The following PCSK5 variants were observed in gnomAD, a reference collection of about 807,000 sequenced individuals.
PCSK5 encodes the protein prohormone convertase 5.
Under a neutral mutation model 233.2 loss-of-function variants are expected in PCSK5, and 129 were observed. The ratio of observed to expected loss-of-function variants is 0.55; its 90% CI spans 0.48 to 0.64. PCSK5 has a LOEUF of 0.64. Ranked by LOEUF, PCSK5 falls within the 30% of genes least tolerant of loss-of-function variation. The probability of loss-of-function intolerance (pLI) is 0.00; values close to 1 mark genes in which losing one functional copy is unlikely to be tolerated. For missense variants in PCSK5, 2,076 were observed against 2,430.1 expected (o/e 0.85, Z 3.06); for synonymous variants, 825 against 879.2 (o/e 0.94, Z 1.09).
intron 2 of PCSK5, among the ~76,000 whole-genome samples, chr9:75,963,244 G>GA (rs1399589519): frequency 1.3e-5 from 2 of 152,172 alleles, no homozygotes; most frequent in Non-Finnish European, 2.9e-5. Context: ...CCACTCTGGG[G>GA]AAAAATAACA....
chr9:76,279,258 C>A (rs1827790944), intron 24 of PCSK5, among the ~76,000 whole-genome samples: 1 of 150,648 alleles, frequency 6.6e-6, no homozygotes, highest in Non-Finnish European at 1.5e-5. Context: ...TTTTTTATGG[C>A]TGCATAGTAT....
chr9:75,961,760 T>C (rs184362236), intron 2 of PCSK5, among the ~76,000 whole-genome samples: 17 of 152,330 alleles, frequency 1.1e-4, no homozygotes, highest in Non-Finnish European at 2.9e-5. Flanking sequence ...TTAGTAATTT[T>C]TATATCGCCT....
chr9:76,211,190 T>C (rs1367508098), intron 20 of PCSK5, among the ~76,000 whole-genome samples: 1 of 152,192 alleles, frequency 6.6e-6, no homozygotes, highest in Non-Finnish European at 1.5e-5. Context: ...CAGAAGAAAT[T>C]CCAGGATACA....
chr9:76,361,841 G>A lies in PCSK5; in HGVS notation c.*2919G>A, dbSNP rs992077113. On this transcript the variant is annotated 3_prime_UTR_variant, in exon 38 of 38. Transcript: ENST00000674117. Reference sequence around the variant, plus strand: ...AGACTTTCTCACCTCTGTGGTTGCAGTTAGCTTACAAAAACGAGCAATTTT... The same window carrying A: ...AGACTTTCTCACCTCTGTGGTTGCAATTAGCTTACAAAAACGAGCAATTTT... The A allele has an allele frequency of 1.3e-5, 2 of 152,238 alleles. No homozygotes were observed. Among genetic ancestry groups the A allele is most frequent in the Non-Finnish European group, 2.9e-5 (2 of 68,046 alleles). 9.4% of individuals were successfully genotyped at this position (152,238 alleles called of 1,614,324 possible).
At chr9:76,310,888 T>C (rs768484450) in intron 30 of PCSK5, 37 bp downstream of exon 30, 1 of 1,373,482 alleles carries the variant, frequency 7.3e-7, no homozygotes, top group South Asian at 1.4e-5. Context: ...CTGCTTGTAA[T>C]CACTCTCCTC....
At chr9:76,179,501 A>T (rs1823753137) in intron 14 of PCSK5, 95 bp from the exon 15 acceptor site, 1 of 658,642 alleles carries the variant, frequency 1.5e-6, no homozygotes, top group Non-Finnish European at 2.5e-6. Context: ...TCTGCATAAG[A>T]AAAAAAAAAG....
At chr9:76,228,664 A>G (rs1262985664) in intron 21 of PCSK5, among the ~76,000 whole-genome samples, 1 of 152,216 alleles carries the variant, frequency 6.6e-6, no homozygotes, top group Non-Finnish European at 1.5e-5. Context: ...CTAGCACTGA[A>G]TATTTTTTGG....
intron 33 of PCSK5, among the ~76,000 whole-genome samples, chr9:76,330,202 G>A (rs1168539013): frequency 6.6e-6 from 1 of 152,194 alleles, no homozygotes; most frequent in Non-Finnish European, 1.5e-5. Context: ...AAGTGGCACA[G>A]GTCAAGGTTG....
intron 3 of PCSK5, among the ~76,000 whole-genome samples, chr9:75,992,043 C>T (rs1002709601): frequency 2.0e-5 from 3 of 152,072 alleles, no homozygotes; most frequent in Non-Finnish European, 4.4e-5. Context: ...CTGCAGTGAG[C>T]TATGATTGCA....
chr9:76,268,489 C>G (rs184808038), intron 24 of PCSK5, among the ~76,000 whole-genome samples: 129 of 152,264 alleles, frequency 8.5e-4, no homozygotes, highest in African/African-American at 3.0e-3. Flanking sequence ...TTCCTCATTA[C>G]CTGGTGTGTA....
chr9:76,045,365 A>G (rs940420848), intron 5 of PCSK5, among the ~76,000 whole-genome samples: 22 of 152,276 alleles, frequency 1.4e-4, no homozygotes, highest in African/African-American at 4.8e-4. Context: ...AATTTGATCT[A>G]CCTTGTTTTC....
At chr9:75,964,067 T>A (rs1423319345) in intron 2 of PCSK5, among the ~76,000 whole-genome samples, 1 of 152,178 alleles carries the variant, frequency 6.6e-6, no homozygotes, top group East Asian at 1.9e-4. Flanking sequence ...CTTCTTTTGT[T>A]GAGAGGATTC....
At chr9:75,978,681 T>C (rs955062771) in intron 2 of PCSK5, among the ~76,000 whole-genome samples, 1 of 152,182 alleles carries the variant, frequency 6.6e-6, no homozygotes, top group Non-Finnish European at 1.5e-5. Flanking sequence ...TAAAACCTAA[T>C]TTAATGTTAA....
rs146556030 is a variant in PCSK5 at position 76,190,260 on chromosome 9, G to A, written c.2626+514G>A. On this transcript the variant is annotated intron_variant, in intron 20 of 37. Coordinates refer to ENST00000674117, the MANE Select transcript of PCSK5 (RefSeq NM_001372043.1). ...AACAACATGTATGCAACATTATAGC[G>A]CCATGCAAAGTAGTTTTACTGCCCT... Among the ~76,000 whole-genome samples, 282 of 151,694 alleles carry A rather than the reference G, an allele frequency of 1.9e-3. 1 individual carries two copies. Among genetic ancestry groups the A allele is most frequent in the African/African-American group, 6.4e-3 (263 of 41,376 alleles).
chr9:76,277,271 TC>T (rs1332242211), intron 24 of PCSK5, among the ~76,000 whole-genome samples: 1 of 151,954 alleles, frequency 6.6e-6, no homozygotes, highest in Non-Finnish European at 1.5e-5. Flanking sequence ...TATTATGTCT[TC>T]CCCCCAAAGA....
At chr9:76,179,466 T>C (rs1043794448) in intron 14 of PCSK5, 130 bp from the exon 15 acceptor site, 1 of 606,984 alleles carries the variant, frequency 1.6e-6, no homozygotes, top group African/African-American at 1.9e-5. Flanking sequence ...ACATTGACAA[T>C]TATTCCTCTG....
rs1554677386 is a variant in PCSK5 at position 76,041,843 on chromosome 9, G to GGAAAAA, written c.632+14806_632+14807insGAAAAA. 5.0e-4 allele frequency among the ~76,000 whole-genome samples: 65 copies of GGAAAAA among 131,034 alleles called. 3 individuals are homozygous for GGAAAAA. Among genetic ancestry groups the GGAAAAA allele is most frequent in the East Asian group, 1.6e-3 (7 of 4,368 alleles). 86.0% of individuals were successfully genotyped at this position (131,034 alleles called of 152,430 possible). On this transcript the variant is annotated intron_variant, in intron 5 of 37. Coordinates refer to ENST00000674117, the MANE Select transcript of PCSK5 (RefSeq NM_001372043.1). ...GACAGAGCAAGACTCTGTCTCAAGGGAAAAAAAAAAAAAAAAGATTTTATA... is the reference window on the plus strand; with the variant it reads ...GACAGAGCAAGACTCTGTCTCAAGGGGAAAAAAAAAAAAAAAAAAAAAGATTTTATA...
rs59466685 is a variant in PCSK5 at position 76,328,975 on chromosome 9, A to ATT, written c.4570+750_4570+751dup. ...AGGTGGGCACCATCGCTCCCGGCTAATTTTTTTTTTTTTTTGTATTTTTGG... is the reference window on the plus strand; with the variant it reads ...AGGTGGGCACCATCGCTCCCGGCTAATTTTTTTTTTTTTTTTTGTATTTTTGG... On this transcript the variant is annotated intron_variant, in intron 33 of 37. Transcript: ENST00000674117. Among the ~76,000 whole-genome samples the ATT allele has an allele frequency of 2.3e-4, 29 of 123,704 alleles. 1 individual carries two copies. The highest frequency in any genetic ancestry group is 4.2e-4 in the African/African-American group (13 of 31,076). 81.2% of individuals were successfully genotyped at this position (123,704 alleles called of 152,430 possible). A position where few individuals can be genotyped will look rare whatever the true frequency, so the allele number is the denominator to read the frequency against.
intron 30 of PCSK5, among the ~76,000 whole-genome samples, chr9:76,314,249 G>C (rs1828954233): frequency 6.6e-6 from 1 of 152,222 alleles, no homozygotes; most frequent in Admixed American, 6.5e-5. Context: ...AAGATAGTCT[G>C]TATTTCTTGA....
Sources: allele counts gnomAD v4.1 joint callset (sites outside exome capture counted in the v4.1 genomes callset), GRCh38; gene constraint gnomAD v4.1.1; transcripts MANE v1.5; gene names NCBI Gene and HGNC (gene_info 2026-07-23, HGNC 2026-07-21).